AGBL4: variants seen among roughly 807,000 people sequenced by gnomAD.
AGBL4 encodes AGBL carboxypeptidase 4, also known as cytosolic carboxypeptidase 6.
Under a neutral mutation model 66.4 loss-of-function variants are expected in AGBL4, and 58 were observed. The observed-to-expected ratio is 0.87, with a 90% CI of 0.71 to 1.09. The LOEUF (loss-of-function observed/expected upper bound fraction) is 1.09, where lower values mean the gene tolerates loss of function less well. AGBL4 is among the 50% of genes least tolerant of loss of function. AGBL4 has a pLI of 0.00. For synonymous variants in AGBL4, 234 were observed against 222.9 expected (o/e 1.05, Z -0.44); for missense variants, 579 against 631.0 (o/e 0.92, Z 0.88).
At chr1:49,083,570 G>A (rs779729286) in intron 4 of AGBL4, among the ~76,000 whole-genome samples, 7 of 152,182 alleles carry the variant, frequency 4.6e-5, no homozygotes, top group East Asian at 1.9e-4. Context: ...AAGAGCGGGG[G>A]GCCCTGGGCC....
At chr1:49,333,335 G>C (rs1267216775) in intron 3 of AGBL4, among the ~76,000 whole-genome samples, 1 of 152,066 alleles carries the variant, frequency 6.6e-6, no homozygotes, top group Non-Finnish European at 1.5e-5. Flanking sequence ...AAAATTACCT[G>C]GGCGTGGTGG....
intron 5 of AGBL4, among the ~76,000 whole-genome samples, chr1:48,908,001 A>G (rs1415410195): frequency 1.3e-5 from 2 of 152,086 alleles, no homozygotes; most frequent in Non-Finnish European, 1.5e-5. Flanking sequence ...TGAGAAGGCT[A>G]GGTTAGGGAA....
intron 6 of AGBL4, among the ~76,000 whole-genome samples, chr1:48,670,852 T>C (rs1646265661): frequency 6.6e-6 from 1 of 152,230 alleles, no homozygotes; most frequent in Admixed American, 6.5e-5. Flanking sequence ...ACTCAGAGGC[T>C]CTGAGATTCC....
chr1:48,671,254 A>C (rs1646272208), intron 6 of AGBL4, among the ~76,000 whole-genome samples: 1 of 152,262 alleles, frequency 6.6e-6, no homozygotes, highest in Non-Finnish European at 1.5e-5. Flanking sequence ...GGTTTCAGAC[A>C]AGAAGGCTGA....
intron 5 of AGBL4, among the ~76,000 whole-genome samples, chr1:48,984,615 C>A (rs74476921): frequency 0.024 from 3,543 of 149,868 alleles, 105 homozygotes; most frequent in African/African-American, 0.081. Context: ...TTAAAAAAAA[C>A]CCCAATACTG....
chr1:49,666,402 CT>C (rs1481458028), intron 3 of AGBL4, among the ~76,000 whole-genome samples: 1 of 151,898 alleles, frequency 6.6e-6, no homozygotes, highest in East Asian at 1.9e-4. Context: ...CCTGTCTCTA[CT>C]AAAAATACAC....
At chr1:48,790,912 T>A (rs1281976559) in intron 6 of AGBL4, among the ~76,000 whole-genome samples, 1 of 152,116 alleles carries the variant, frequency 6.6e-6, no homozygotes, top group Admixed American at 6.5e-5. Flanking sequence ...AGACCTTATA[T>A]CTGAAAAAAA....
At chr1:48,951,299 T>G (rs1159416945) in intron 5 of AGBL4, among the ~76,000 whole-genome samples, 1 of 152,198 alleles carries the variant, frequency 6.6e-6, no homozygotes, top group African/African-American at 2.4e-5. Flanking sequence ...TTCTTAAGGT[T>G]TTGTGTGACT....
chr1:48,618,129 A>G (rs1002093315), intron 9 of AGBL4, among the ~76,000 whole-genome samples: 2 of 152,130 alleles, frequency 1.3e-5, no homozygotes, highest in Admixed American at 6.5e-5. Context: ...AGCACTTTGG[A>G]AGGCTGAGAT....
chr1:49,112,551 A>G (rs1385981611), intron 4 of AGBL4, among the ~76,000 whole-genome samples: 1 of 152,270 alleles, frequency 6.6e-6, no homozygotes, highest in Non-Finnish European at 1.5e-5. Flanking sequence ...TACCCACAGT[A>G]GAACTTTTTT....
chr1:49,069,837 C>G (rs182118582), intron 4 of AGBL4, among the ~76,000 whole-genome samples: 1 of 152,020 alleles, frequency 6.6e-6, no homozygotes, highest in South Asian at 2.1e-4. Flanking sequence ...TAGCCATTTT[C>G]ACGATATTGA....
intron 6 of AGBL4, among the ~76,000 whole-genome samples, chr1:48,833,144 A>G (rs1646594377): frequency 6.6e-6 from 1 of 152,208 alleles, no homozygotes; most frequent in African/African-American, 2.4e-5. Context: ...GCTGCTAGAA[A>G]TGCTGAAACA....
rs1257686071 is a variant in AGBL4 at position 49,493,802 on chromosome 1, A to T, written c.282+203511T>A. Among the ~76,000 whole-genome samples, 7 of 152,038 alleles carry T rather than the reference A, an allele frequency of 4.6e-5. No individual in the cohort carries two copies. The East Asian group carries it at 7.7e-4, about 17-fold the overall frequency. On this transcript the variant is annotated intron_variant, in intron 3 of 13. Transcript: ENST00000371839. ...TGACAAAAAATAAATCCTATTTTTT[A>T]AAATTAAATAAATTGTTCTCTCTAG...
chr1:49,814,242 T>G (rs1645178178), intron 2 of AGBL4, among the ~76,000 whole-genome samples: 1 of 152,126 alleles, frequency 6.6e-6, no homozygotes, highest in Non-Finnish European at 1.5e-5. Context: ...ACATGAGAAA[T>G]GTACCATATA....
At position 49,794,232 on chromosome 1, in the gene AGBL4, C is replaced by T. The variant is rs116107471; in HGVS notation, c.157+57164G>A. ...ATAAAAAATATTGTCATTTTTTTTG[C>T]CGATACATAGAAAAAGCAATTTAAT... On this transcript the variant is annotated intron_variant, in intron 2 of 13. Coordinates refer to ENST00000371839, the MANE Select transcript of AGBL4 (RefSeq NM_032785.4). 5.3e-3 allele frequency among the ~76,000 whole-genome samples: 799 copies of T among 151,704 alleles called. 3 individuals are homozygous for T. Among genetic ancestry groups the T allele is most frequent in the Middle Eastern group, 0.017 (5 of 292 alleles).
chr1:49,372,013 T>C (rs1179407976), intron 3 of AGBL4, among the ~76,000 whole-genome samples: 1 of 152,130 alleles, frequency 6.6e-6, no homozygotes. Context: ...TGATTACATC[T>C]AGTAAATTCA....
intron 4 of AGBL4, among the ~76,000 whole-genome samples, chr1:49,163,820 G>A (rs1211787467): frequency 6.6e-6 from 1 of 152,114 alleles, no homozygotes; most frequent in Non-Finnish European, 1.5e-5. Context: ...GTTCATAAGA[G>A]CCTCAAAAGA....
intron 2 of AGBL4, among the ~76,000 whole-genome samples, chr1:49,707,633 G>A (rs996534683): frequency 7.2e-5 from 11 of 151,966 alleles, no homozygotes; most frequent in African/African-American, 7.3e-5. Flanking sequence ...GGTGGATGCC[G>A]TTTCTTCATA....
chr1:48,715,402 G>A (rs1647033093), intron 6 of AGBL4, among the ~76,000 whole-genome samples: 1 of 152,106 alleles, frequency 6.6e-6, no homozygotes, highest in Non-Finnish European at 1.5e-5. Context: ...AACAAAAACT[G>A]CTTGACTAGT....
Sources: allele counts gnomAD v4.1 joint callset (sites outside exome capture counted in the v4.1 genomes callset), GRCh38; gene constraint gnomAD v4.1.1; transcripts MANE v1.5; gene names NCBI Gene and HGNC (gene_info 2026-07-23, HGNC 2026-07-21).